Variants in EMP2 observed in about 807,000 individuals in gnomAD.
EMP2 encodes epithelial membrane protein 2.
Under a neutral mutation model 13.7 loss-of-function variants are expected in EMP2, and 19 were observed. The observed-to-expected ratio is 1.38, with a 90% CI of 0.97 to 2.03. The LOEUF is 2.03. EMP2 is among the 30% of genes most tolerant of loss of function. The probability of loss-of-function intolerance (pLI) is 0.00; values close to 1 mark genes in which losing one functional copy is unlikely to be tolerated. For synonymous variants in EMP2, 97 were observed against 84.7 expected (o/e 1.15, Z -0.80); for missense variants, 253 against 220.7 (o/e 1.15, Z -0.93).
At chr16:10,575,202 CCA>C (rs2050974318) in intron 1 of EMP2, among the ~76,000 whole-genome samples, 1 of 147,592 alleles carries the variant, frequency 6.8e-6, no homozygotes, top group East Asian at 2.1e-4. Context: ...TTCCCTGAAA[CCA>C]CATCTGGTGG....
At chr16:10,548,953 G>A (rs1358145770) in intron 1 of EMP2, among the ~76,000 whole-genome samples, 1 of 152,074 alleles carries the variant, frequency 6.6e-6, no homozygotes, top group Non-Finnish European at 1.5e-5. Context: ...CTGATGAAGA[G>A]GGCAGCAGGT....
intron 1 of EMP2, among the ~76,000 whole-genome samples, chr16:10,558,822 G>A (rs1025075840): frequency 4.6e-5 from 7 of 152,050 alleles, no homozygotes; most frequent in African/African-American, 1.2e-4. Context: ...GGCTTCCCGC[G>A]GAGAGAGAAC....
At chr16:10,579,348 A>C (rs1237095587) in intron 1 of EMP2, among the ~76,000 whole-genome samples, 3 of 152,134 alleles carry the variant, frequency 2.0e-5, no homozygotes, top group African/African-American at 7.2e-5. Context: ...AGGTGGCTAA[A>C]GGCGGCTTTT....
chr16:10,531,540 G>A lies in EMP2; in HGVS notation c.*1365C>T, dbSNP rs912356263. On this transcript the variant is annotated 3_prime_UTR_variant, in exon 5 of 5. Transcript: ENST00000359543. Reference sequence around the variant, plus strand: ...GAGACAGGTTTTACCATTTTGGCCAGGCTGGTCTTGAACTCCTGACCTCAG... The same window carrying A: ...GAGACAGGTTTTACCATTTTGGCCAAGCTGGTCTTGAACTCCTGACCTCAG... 1 of 151,430 alleles carries A rather than the reference G, an allele frequency of 6.6e-6. No homozygotes were observed. The highest frequency in any genetic ancestry group is 1.5e-5 in the Non-Finnish European group (1 of 67,950). 9.4% of individuals were successfully genotyped at this position (151,430 alleles called of 1,614,324 possible).
chr16:10,567,057 A>C (rs7342737), intron 1 of EMP2, among the ~76,000 whole-genome samples: 112,806 of 152,192 alleles, frequency 0.74, 42,450 homozygotes, highest in African/African-American at 0.86. Flanking sequence ...AAGCCTCCCC[A>C]ACTTTTCTAG....
At chr16:10,573,168 G>C in intron 1 of EMP2, among the ~76,000 whole-genome samples, 1 of 152,198 alleles carries the variant, frequency 6.6e-6, no homozygotes, top group East Asian at 1.9e-4. Context: ...TCCCACCTCA[G>C]CCTTCAGAGC....
intron 1 of EMP2, among the ~76,000 whole-genome samples, chr16:10,579,468 C>A (rs1304720943): frequency 6.6e-6 from 1 of 152,106 alleles, no homozygotes; most frequent in Non-Finnish European, 1.5e-5. Context: ...GTAACCATTG[C>A]CACTATGTAT....
At chr16:10,575,772 C>T (rs1228826212) in intron 1 of EMP2, among the ~76,000 whole-genome samples, 1 of 152,120 alleles carries the variant, frequency 6.6e-6, no homozygotes, top group Non-Finnish European at 1.5e-5. Context: ...ATCATCTCTT[C>T]TGATCCACAG....
At position 10,532,924 on chromosome 16, in the gene EMP2, A is replaced by G; in HGVS notation, c.485T>C (p.Ile162Thr). 2 of 1,593,216 alleles carry G rather than the reference A, an allele frequency of 1.3e-6. No individual in the cohort carries two copies. Among genetic ancestry groups the G allele is most frequent in the South Asian group, 1.1e-5 (1 of 87,142 alleles). Residue 162 changes from isoleucine (I) to threonine (T), a missense_variant, in exon 5 of 5, where the codon ATA becomes ACA. Physicochemically the swap from Ile to Thr is moderately conservative, Grantham distance 89. Transcript: ENST00000359543. The part of the protein sequence containing the change: ...CTFISGMMYL[I>T]LRKRK The stretch of plus-strand genomic sequence containing the variant: ...GGAACTCTATTTGCGCTTCCTCAGT[A>G]TCAGGTACATCATGCCGCTGATGAA...
At chr16:10,540,492 C>T (rs750185808) in intron 3 of EMP2, among the ~76,000 whole-genome samples, 1 of 112,910 alleles carries the variant, frequency 8.9e-6, no homozygotes, top group African/African-American at 4.1e-5. Flanking sequence ...GGTGACAGAG[C>T]GAGACTCTGT....
chr16:10,528,921 C>G lies in EMP2; in HGVS notation c.*3984G>C, dbSNP rs2142160412. ...TCATCATCAGTGAACACAGAGCGTC[C>G]TAGAGCGCCAGCCTGTTCATGAGGG... is the stretch of plus-strand genomic sequence containing the variant. On this transcript the variant is annotated 3_prime_UTR_variant, in exon 5 of 5. Transcript: ENST00000359543. The G allele has an allele frequency of 6.6e-6, 1 of 152,272 alleles. No homozygotes were observed. Among genetic ancestry groups the G allele is most frequent in the African/African-American group, 2.4e-5 (1 of 41,542 alleles). 9.4% of individuals were successfully genotyped at this position (152,272 alleles called of 1,614,324 possible). A position where few individuals can be genotyped will look rare whatever the true frequency, so the allele number is the denominator to read the frequency against.
chr16:10,566,088 G>A (rs985333442), intron 1 of EMP2, among the ~76,000 whole-genome samples: 9 of 152,180 alleles, frequency 5.9e-5, no homozygotes, highest in Middle Eastern at 3.4e-3. Context: ...AACATGCCCC[G>A]GGACTGGGGA....
At chr16:10,558,106 G>T (rs1023359804) in intron 1 of EMP2, among the ~76,000 whole-genome samples, 1 of 150,820 alleles carries the variant, frequency 6.6e-6, no homozygotes, top group Non-Finnish European at 1.5e-5. Flanking sequence ...CATTGCTCAC[G>T]GCAACCTCGA....
intron 1 of EMP2, among the ~76,000 whole-genome samples, chr16:10,557,144 G>A (rs912922892): frequency 4.6e-5 from 7 of 152,088 alleles, no homozygotes; most frequent in Admixed American, 4.6e-4. Flanking sequence ...ATCGCTTGAG[G>A]CCAGGAGTTC....
chr16:10,529,159 T>C lies in EMP2; in HGVS notation c.*3746A>G, dbSNP rs2050578092. 6.6e-6 allele frequency: 1 copy of C among 152,190 alleles called. No homozygotes were observed. Among genetic ancestry groups the C allele is most frequent in the African/African-American group, 2.4e-5 (1 of 41,442 alleles). 9.4% of individuals were successfully genotyped at this position (152,190 alleles called of 1,614,324 possible). On this transcript the variant is annotated 3_prime_UTR_variant, in exon 5 of 5. Coordinates refer to ENST00000359543, the MANE Select transcript of EMP2 (RefSeq NM_001424.6). ...TCACATAGCCCCTCAATGAAAGAATTACAGTACTTTATAAAAATGTCATAA... is the reference window on the plus strand; with the variant it reads ...TCACATAGCCCCTCAATGAAAGAATCACAGTACTTTATAAAAATGTCATAA...
rs375278523 is a variant in EMP2, at chr16:10,532,751, CT to C, written c.*153del. 10 of 199,596 alleles carry C rather than the reference CT, an allele frequency of 5.0e-5. No individual in the cohort carries two copies. The highest frequency in any genetic ancestry group is 1.4e-4 in the African/African-American group (2 of 13,840). 12.4% of individuals were successfully genotyped at this position (199,596 alleles called of 1,614,324 possible). On this transcript the variant is annotated 3_prime_UTR_variant, in exon 5 of 5. Coordinates refer to ENST00000359543, the MANE Select transcript of EMP2 (RefSeq NM_001424.6). ...CTTCTCTCTTTTGGATTTTTTTTTT[CT>C]TTTTTCTTTTTTTTTTTTTTTTTTT...
At chr16:10,564,925 A>G (rs2050896893) in intron 1 of EMP2, among the ~76,000 whole-genome samples, 1 of 152,202 alleles carries the variant, frequency 6.6e-6, no homozygotes, top group Non-Finnish European at 1.5e-5. Context: ...TATATCGCAA[A>G]TGAGATGGAA....
Position 10,530,353 on chromosome 16 carries a change from T to C in EMP2, c.*2552A>G, listed in dbSNP as rs28406481. 2.0e-5 allele frequency: 3 copies of C among 152,570 alleles called. No individual in the cohort carries two copies. Among genetic ancestry groups the C allele is most frequent in the Non-Finnish European group, 2.9e-5 (2 of 68,042 alleles). The allele number at this position is 152,570 out of a possible 1,614,324, so 9.5% of individuals were successfully genotyped here. On this transcript the variant is annotated 3_prime_UTR_variant, in exon 5 of 5. Transcript: ENST00000359543. ...GCAGATGGAAAGAGCCAATCCTGCA[T>C]TGAAGAGATATCCATGGTGGCCCTA...
At chr16:10,534,064 G>T (rs535045447) in intron 4 of EMP2, among the ~76,000 whole-genome samples, 1 of 151,812 alleles carries the variant, frequency 6.6e-6, no homozygotes, top group South Asian at 2.1e-4. Context: ...GCAGTGAGCC[G>T]AGATCGCACC....
Sources: gnomAD v4.1 joint callset for allele counts (sites outside exome capture counted in the v4.1 genomes callset) on GRCh38, gnomAD v4.1.1 for gene constraint, MANE v1.5 for transcripts, NCBI Gene and HGNC (gene_info 2026-07-23, HGNC 2026-07-21) for gene names.